MCM4: variants seen among roughly 807,000 people sequenced by gnomAD.
MCM4 encodes minichromosome maintenance complex component 4.
MCM4 carries 60 observed loss-of-function variants against 88.7 expected under a neutral mutation model. The observed-to-expected ratio is 0.68, with a 90% CI of 0.55 to 0.84. The LOEUF (loss-of-function observed/expected upper bound fraction) is 0.84, where lower values mean the gene tolerates loss of function less well. Among genes scored for constraint, MCM4 ranks in the 40% least tolerant of loss-of-function variants. The probability of loss-of-function intolerance (pLI) is 0.00; values close to 1 mark genes in which losing one functional copy is unlikely to be tolerated. For synonymous variants in MCM4, 465 were observed against 410.5 expected, an observed-to-expected ratio of 1.13 and a Z score of -1.61; for missense variants, 1,149 against 1,105.5, an observed-to-expected ratio of 1.04 and a Z score of -0.56.
In MCM4 at chr8:47,964,024, G is replaced by A. The variant is rs536728591; in HGVS notation, c.694-550G>A. On this transcript the variant is annotated intron_variant, in intron 7 of 16. Transcript: ENST00000649973. ...AGATCACCTGAGGTTGGGAGTTCAA[G>A]ACCAGCCTGACCAACGTGGAGAAAC... Among the ~76,000 whole-genome samples, 5 of 152,328 alleles carry A rather than the reference G, an allele frequency of 3.3e-5. No homozygotes were observed. In the South Asian group the frequency reaches 8.3e-4, roughly 25 times the overall value.
intron 8 of MCM4, 35 bp from the exon 9 acceptor site, chr8:47,966,152 G>T: frequency 6.5e-7 from 1 of 1,544,798 alleles, no homozygotes; most frequent in South Asian, 1.1e-5. Context: ...CCACACCTCA[G>T]GTCAGGTGTG....
intron 13 of MCM4, among the ~76,000 whole-genome samples, chr8:47,972,634 G>A (rs555439551): frequency 1.1e-4 from 16 of 152,078 alleles, no homozygotes; most frequent in Admixed American, 5.9e-4. Context: ...TTGGCTCACC[G>A]CAACCTTCGC....
At chr8:47,962,016 G>A (rs373272412) in intron 3 of MCM4, 37 bp from the exon 4 acceptor site, 3 of 1,598,614 alleles carry the variant, frequency 1.9e-6, no homozygotes, top group African/African-American at 2.7e-5. Context: ...TTTCAGGTTT[G>A]ATATGCCACC....
At chr8:47,970,138 A>G (rs1436121700) in intron 11 of MCM4, 81 bp downstream of exon 11, 2 of 1,481,240 alleles carry the variant, frequency 1.4e-6, no homozygotes, top group Non-Finnish European at 1.8e-6. Flanking sequence ...CCGCCACTCG[A>G]GCCATCCGCC....
chr8:47,968,587 A>G (rs746940907), intron 10 of MCM4, among the ~76,000 whole-genome samples: 9 of 152,330 alleles, frequency 5.9e-5, no homozygotes, highest in Non-Finnish European at 1.2e-4. Flanking sequence ...TCTGTGAGAT[A>G]AATCATTCCG....
Position 47,962,962 on chromosome 8 carries a change from G to A in MCM4, c.615G>A (p.Glu205=). The A allele has an allele frequency of 1.2e-6, 2 of 1,601,834 alleles. No individual in the cohort carries two copies. Among genetic ancestry groups the A allele is most frequent in the South Asian group, 2.3e-5 (2 of 88,100 alleles). Residue 205 remains glutamate, a synonymous_variant, in exon 7 of 17, where the codon GAG becomes GAA. Transcript: ENST00000649973. ...TTTTCTAGATTAATGTTATTGGTGA[G>A]CCATTTTTAAATGTGAACTGTGAAC... The part of the protein sequence containing the change: ...QRLGEINVIG[E]PFLNVNCEHI...
chr8:47,962,263 G>A (rs771882687), intron 4 of MCM4, 42 bp from the exon 5 acceptor site: 1 of 1,613,950 alleles, frequency 6.2e-7, no homozygotes, highest in African/African-American at 1.3e-5. Context: ...GTATCATGTG[G>A]GTAACTCTGT....
rs367938513 is a variant in MCM4 at position 47,974,769 on chromosome 8, G to A, written c.2172G>A (p.Arg724=). The A allele has an allele frequency of 2.9e-4, 475 of 1,614,160 alleles. 7 individuals are homozygous for A. The South Asian group carries it at 4.8e-3, about 16-fold the overall frequency. ...YVDMRKIGSS[R]GMVSAYPRQL... ...ACATGAGGAAGATTGGCAGTAGCCG[G>A]GGAATGGTTTCTGCATACCCTCGAC... The change falls in exon 15 of 17, where the codon CGG becomes CGA. Residue 724 remains arginine (R), a synonymous_variant. Coordinates refer to ENST00000649973, the MANE Select transcript of MCM4 (RefSeq NM_182746.3).
intron 11 of MCM4, 134 bp from the exon 12 acceptor site, chr8:47,970,377 C>A: frequency 8.6e-7 from 1 of 1,158,980 alleles, no homozygotes. Flanking sequence ...AGCACTTTCA[C>A]GAGCCTTTTT....
At chr8:47,970,137 G>A (rs776738175) in intron 11 of MCM4, 80 bp downstream of exon 11, 22 of 1,483,448 alleles carry the variant, frequency 1.5e-5, no homozygotes, top group Middle Eastern at 2.0e-4. Flanking sequence ...TCCGCCACTC[G>A]AGCCATCCGC....
In MCM4 at chr8:47,977,843, T is replaced by C. The variant is rs2091014493; in HGVS notation, c.*1065T>C. 6.6e-6 allele frequency: 1 copy of C among 152,140 alleles called. No individual in the cohort carries two copies. The highest frequency in any genetic ancestry group is 1.5e-5 in the Non-Finnish European group (1 of 68,024). 9.4% of individuals were successfully genotyped at this position (152,140 alleles called of 1,614,324 possible). A position where few individuals can be genotyped will look rare whatever the true frequency, so the allele number is the denominator to read the frequency against. ...CTACTATTAGATCAGGAATGGGTGA[T>C]TGGAGATTATTAGATTCTAGGTTAA... is the stretch of plus-strand genomic sequence containing the variant. On this transcript the variant is annotated 3_prime_UTR_variant, in exon 17 of 17. Transcript: ENST00000649973.
At chr8:47,975,607 T>C in intron 15 of MCM4, 108 bp from the exon 16 acceptor site, 2 of 743,904 alleles carry the variant, frequency 2.7e-6, no homozygotes, top group Non-Finnish European at 2.0e-6. Context: ...ACTCAGCCCC[T>C]GTCGCCTTAT....
chr8:47,971,359 C>T lies in MCM4; in HGVS notation c.1819C>T (p.Leu607Phe), dbSNP rs777991668. The change falls in exon 13 of 17, where the codon CTC (leucine) becomes TTC (phenylalanine). Residue 607 changes from leucine to phenylalanine, a missense_variant. Physicochemically the swap from Leu to Phe is conservative, Grantham distance 22 (BLOSUM62 0). This residue lies in a region of MCM4 where 906 missense variants were observed against 843.0 expected (regional missense o/e 1.07). Coordinates refer to ENST00000649973, the MANE Select transcript of MCM4 (RefSeq NM_182746.3). ...SIAKAGIICQLNARTSVLAAA... is the reference protein window; with the variant it reads ...SIAKAGIICQFNARTSVLAAA... ...CTGATAGGCTGGGATCATCTGTCAG[C>T]TCAATGCGCGCACCTCTGTCCTGGC... 2 of 1,614,160 alleles carry T rather than the reference C, an allele frequency of 1.2e-6. No individual in the cohort carries two copies. Among genetic ancestry groups the T allele is most frequent in the Non-Finnish European group, 8.5e-7 (1 of 1,180,022 alleles).
At chr8:47,967,213 A>T in intron 9 of MCM4, 152 bp from the exon 10 acceptor site, 1 of 860,344 alleles carries the variant, frequency 1.2e-6, no homozygotes, top group East Asian at 2.8e-5. Flanking sequence ...TAGAAGAAGT[A>T]ATTTCTAAGG....
At chr8:47,964,427 T>A in intron 7 of MCM4, 147 bp from the exon 8 acceptor site, 1 of 523,986 alleles carries the variant, frequency 1.9e-6, no homozygotes, top group Non-Finnish European at 3.2e-6. Flanking sequence ...CATACCTAAA[T>A]TTGAAAACAG....
At chr8:47,961,779 AAGCATCCC>A (rs2090840790) in intron 3 of MCM4, 99 bp downstream of exon 3, 1 of 1,400,204 alleles carries the variant, frequency 7.1e-7, no homozygotes, top group African/African-American at 1.4e-5. Context: ...ATAACGCCTA[AAGCATCCC>A]CTCTGCACGT....
intron 14 of MCM4, among the ~76,000 whole-genome samples, chr8:47,973,418 C>T (rs549249088): frequency 8.5e-5 from 13 of 152,200 alleles, no homozygotes; most frequent in South Asian, 2.1e-4. Context: ...TCAAGTGATG[C>T]GCCAGCCTCT....
In MCM4 at chr8:47,970,554, G is replaced by A. The variant is rs1391289741; in HGVS notation, c.1478G>A (p.Ser493Asn). ...TTTGGCGGGACAAGGAAGGATTTTA[G>A]TCACACTGGAAGGGGCAAATTTCGG... ...QLFGGTRKDF[S>N]HTGRGKFRAE... The change falls in exon 12 of 17, where the codon AGT becomes AAT. Residue 493 changes from serine to asparagine, a missense_variant. Transcript: ENST00000649973. The A allele has an allele frequency of 8.7e-6, 14 of 1,611,878 alleles. No homozygotes were observed. Among genetic ancestry groups the A allele is most frequent in the Non-Finnish European group, 1.2e-5 (14 of 1,178,214 alleles).
At position 47,977,639 on chromosome 8, in the gene MCM4, T is replaced by C. The variant is rs1362582058; in HGVS notation, c.*861T>C. Reference sequence around the variant, plus strand: ...ATGCCCGGCTACTTTTTGTATTTTTTGGTAGAGACGGCTTCGCCACGTTGC... The same window carrying C: ...ATGCCCGGCTACTTTTTGTATTTTTCGGTAGAGACGGCTTCGCCACGTTGC... On this transcript the variant is annotated 3_prime_UTR_variant, in exon 17 of 17. Transcript: ENST00000649973. The C allele has an allele frequency of 6.6e-6, 1 of 152,278 alleles. No homozygotes were observed. 9.4% of individuals were successfully genotyped at this position (152,278 alleles called of 1,614,324 possible).
Sources: allele counts gnomAD v4.1 joint callset (sites outside exome capture counted in the v4.1 genomes callset), GRCh38; gene constraint gnomAD v4.1.1; regional missense constraint gnomAD v4.1.1; transcripts MANE v1.5; gene names NCBI Gene and HGNC (gene_info 2026-07-23, HGNC 2026-07-21).